Variants in DPP10 observed in about 807,000 individuals in gnomAD.
DPP10 encodes the protein inactive dipeptidyl peptidase 10.
DPP10 carries 33 observed loss-of-function variants against 120.9 expected under a neutral mutation model. The observed-to-expected ratio is 0.27, with a 90% CI of 0.21 to 0.37. The LOEUF is 0.37. DPP10 is among the 10% of genes least tolerant of loss of function. The pLI is 1.00. For missense variants in DPP10, 816 were observed against 942.8 expected (o/e 0.87, Z 1.76); for synonymous variants, 337 against 326.1 (o/e 1.03, Z -0.36).
At chr2:115,080,109 C>T (rs771477753) in intron 1 of DPP10, among the ~76,000 whole-genome samples, 31 of 152,212 alleles carry the variant, frequency 2.0e-4, no homozygotes, top group Non-Finnish European at 2.8e-4. Flanking sequence ...CCTCTGCCTC[C>T]GGGGTTCAAG....
At chr2:114,761,162 G>A (rs1421841720) in intron 1 of DPP10, among the ~76,000 whole-genome samples, 1 of 152,118 alleles carries the variant, frequency 6.6e-6, no homozygotes, top group Non-Finnish European at 1.5e-5. Context: ...CAAACCCTTT[G>A]TGCTTTTCTT....
chr2:114,549,153 G>A (rs772740175), intron 1 of DPP10, among the ~76,000 whole-genome samples: 5 of 151,790 alleles, frequency 3.3e-5, no homozygotes, highest in Admixed American at 6.6e-5. Flanking sequence ...TCTTGTCAGC[G>A]TGCACATGCA....
intron 12 of DPP10, among the ~76,000 whole-genome samples, chr2:115,766,757 T>C (rs143187605): frequency 2.6e-5 from 4 of 152,076 alleles, no homozygotes; most frequent in South Asian, 2.1e-4. Flanking sequence ...GGAAGGCAAA[T>C]GGGGAGCAAC....
intron 4 of DPP10, among the ~76,000 whole-genome samples, chr2:115,504,520 G>A (rs1458339562): frequency 6.6e-6 from 1 of 151,680 alleles, no homozygotes; most frequent in Non-Finnish European, 1.5e-5. Flanking sequence ...AAAATATTTA[G>A]ATACTTATTA....
chr2:114,826,219 TAATAA>T (rs1219168369), intron 1 of DPP10, among the ~76,000 whole-genome samples: 1 of 152,168 alleles, frequency 6.6e-6, no homozygotes, highest in Non-Finnish European at 1.5e-5. Context: ...AGAACCTAAA[TAATAA>T]AATAATGTTG....
chr2:114,801,229 C>T (rs1212646550), intron 1 of DPP10, among the ~76,000 whole-genome samples: 4 of 143,762 alleles, frequency 2.8e-5, no homozygotes. Context: ...TGCCACTGCA[C>T]TCCAGCCTGG....
intron 1 of DPP10, among the ~76,000 whole-genome samples, chr2:115,077,201 T>C (rs554345390): frequency 2.3e-4 from 35 of 152,204 alleles, no homozygotes; most frequent in Non-Finnish European, 3.8e-4. Flanking sequence ...TCGTCTAATA[T>C]ATAACTCTAT....
intron 11 of DPP10, among the ~76,000 whole-genome samples, chr2:115,760,315 A>T (rs1272503136): frequency 6.6e-6 from 1 of 152,234 alleles, no homozygotes; most frequent in African/African-American, 2.4e-5. Flanking sequence ...CTCACACTAC[A>T]GAGTACATAA....
At chr2:115,169,783 A>G (rs2053178978) in intron 1 of DPP10, among the ~76,000 whole-genome samples, 1 of 152,324 alleles carries the variant, frequency 6.6e-6, no homozygotes, top group South Asian at 2.1e-4. Context: ...TGTATTATCT[A>G]ACTTTAATAT....
In DPP10 at chr2:115,843,189, T is replaced by A. The variant is rs544985099; in HGVS notation, c.*844T>A. 1 of 152,752 alleles carries A rather than the reference T, an allele frequency of 6.5e-6. No individual in the cohort carries two copies. Among genetic ancestry groups the A allele is most frequent in the East Asian group, 1.9e-4 (1 of 5,182 alleles). 9.5% of individuals were successfully genotyped at this position (152,752 alleles called of 1,614,324 possible). A position where few individuals can be genotyped will look rare whatever the true frequency, so the allele number is the denominator to read the frequency against. On this transcript the variant is annotated 3_prime_UTR_variant, in exon 26 of 26. Coordinates refer to ENST00000410059, the MANE Select transcript of DPP10 (RefSeq NM_020868.6). The stretch of plus-strand genomic sequence containing the variant: ...TAGCTATTGCTTTCCTATAAATGTT[T>A]GGGTTGTGTTTGGTATTGTTTTTAG...
chr2:114,986,032 A>T (rs1427565696), intron 1 of DPP10, among the ~76,000 whole-genome samples: 1 of 152,212 alleles, frequency 6.6e-6, no homozygotes, highest in Non-Finnish European at 1.5e-5. Flanking sequence ...CAGTCAATTT[A>T]TATGGTTAAA....
At chr2:114,621,027 A>C (rs1694055743) in intron 1 of DPP10, among the ~76,000 whole-genome samples, 1 of 152,068 alleles carries the variant, frequency 6.6e-6, no homozygotes, top group African/African-American at 2.4e-5. Flanking sequence ...CAGCCAAAAT[A>C]TGGAGACAGA....
At chr2:115,433,363 A>G (rs964842229) in intron 3 of DPP10, among the ~76,000 whole-genome samples, 3 of 151,936 alleles carry the variant, frequency 2.0e-5, no homozygotes, top group Admixed American at 6.6e-5. Context: ...ATTAATTTCT[A>G]TTATCTTAAT....
intron 1 of DPP10, among the ~76,000 whole-genome samples, chr2:115,010,306 C>T (rs1471955491): frequency 1.3e-5 from 2 of 152,090 alleles, no homozygotes; most frequent in Non-Finnish European, 2.9e-5. Context: ...ATATTGTTTG[C>T]GACTAAGCAC....
At position 115,811,855 on chromosome 2, in the gene DPP10, G is replaced by T. The variant is rs150009702; in HGVS notation, c.1701-2938G>T. Among the ~76,000 whole-genome samples, 734 of 152,154 alleles carry T rather than the reference G, an allele frequency of 4.8e-3. 8 individuals are homozygous for T. The highest frequency in any genetic ancestry group is 0.016 in the African/African-American group (650 of 41,508). ...ATTATGCTTTATCCATAGATATTGT[G>T]CATTTAATTACTGTACAACTAGCCG... On this transcript the variant is annotated intron_variant, in intron 19 of 25. Coordinates refer to ENST00000410059, the MANE Select transcript of DPP10 (RefSeq NM_020868.6).
At chr2:115,326,111 G>A (rs1358199003) in intron 2 of DPP10, among the ~76,000 whole-genome samples, 1 of 152,074 alleles carries the variant, frequency 6.6e-6, no homozygotes, top group Admixed American at 6.6e-5. Context: ...ATATGAATTG[G>A]TCATTTGTAA....
intron 5 of DPP10, among the ~76,000 whole-genome samples, chr2:115,548,224 C>A (rs1241365438): frequency 1.3e-5 from 2 of 152,244 alleles, no homozygotes; most frequent in East Asian, 3.9e-4. Flanking sequence ...TTTAAATCTT[C>A]TGGGATCATT....
intron 7 of DPP10, among the ~76,000 whole-genome samples, chr2:115,721,181 A>G (rs2092640768): frequency 6.6e-6 from 1 of 152,300 alleles, no homozygotes; most frequent in South Asian, 2.1e-4. Flanking sequence ...GCCAATTATA[A>G]TTCCTGTTAG....
At chr2:114,879,036 C>A (rs1691390158) in intron 1 of DPP10, among the ~76,000 whole-genome samples, 1 of 151,850 alleles carries the variant, frequency 6.6e-6, no homozygotes. Flanking sequence ...GAGTTAGTGA[C>A]AGTTTGGCAA....
Sources: gnomAD v4.1 joint callset for allele counts (sites outside exome capture counted in the v4.1 genomes callset) on GRCh38, gnomAD v4.1.1 for gene constraint, MANE v1.5 for transcripts, NCBI Gene and HGNC (gene_info 2026-07-23, HGNC 2026-07-21) for gene names.